The following ZNF385B variants were observed in gnomAD, a reference collection of about 807,000 sequenced individuals.
ZNF385B encodes zinc finger protein 385B.
ZNF385B carries 23 observed loss-of-function variants against 39.2 expected under a neutral mutation model. The ratio of observed to expected loss-of-function variants is 0.59; its 90% CI spans 0.42 to 0.83. ZNF385B has a LOEUF of 0.83. Among genes scored for constraint, ZNF385B ranks in the 40% least tolerant of loss-of-function variants. The pLI is 0.00. For missense variants in ZNF385B, 552 were observed against 598.9 expected (o/e 0.92, Z 0.82); for synonymous variants, 205 against 222.6 (o/e 0.92, Z 0.70).
At chr2:179,652,302 C>G (rs1256074898) in intron 3 of ZNF385B, among the ~76,000 whole-genome samples, 1 of 152,088 alleles carries the variant, frequency 6.6e-6, no homozygotes, top group African/African-American at 2.4e-5. Flanking sequence ...CCAATGATGT[C>G]TAAAAACATA....
At chr2:179,706,121 C>G (rs1699576409) in intron 3 of ZNF385B, among the ~76,000 whole-genome samples, 1 of 152,252 alleles carries the variant, frequency 6.6e-6, no homozygotes, top group Non-Finnish European at 1.5e-5. Context: ...AACCCAGAGA[C>G]TCATTTCTTA....
rs545420702 is a variant in ZNF385B, at chr2:179,577,921, T to G, written c.299-32952A>C. On this transcript the variant is annotated intron_variant, in intron 3 of 9. Transcript: ENST00000410066. Reference sequence around the variant, plus strand: ...TAAGCTAACATATATCCATTTTTTATATTAAGCAATCAGTAAGTATCTAAA... The same window carrying G: ...TAAGCTAACATATATCCATTTTTTAGATTAAGCAATCAGTAAGTATCTAAA... Among the ~76,000 whole-genome samples the G allele has an allele frequency of 2.0e-5, 3 of 152,258 alleles. No homozygotes were observed. In the South Asian group the frequency reaches 6.2e-4, roughly 32 times the overall value.
chr2:179,552,110 T>C (rs1399660224), intron 3 of ZNF385B, among the ~76,000 whole-genome samples: 2 of 149,484 alleles, frequency 1.3e-5, no homozygotes, highest in Non-Finnish European at 3.0e-5. Context: ...TACCTTATTA[T>C]GTTAATGGAT....
intron 3 of ZNF385B, among the ~76,000 whole-genome samples, chr2:179,579,768 C>T (rs1686268612): frequency 6.6e-6 from 1 of 152,020 alleles, no homozygotes; most frequent in South Asian, 2.1e-4. Context: ...TAATAACCAA[C>T]AATTTTGAAC....
chr2:179,575,622 T>C (rs1412387878), intron 3 of ZNF385B, among the ~76,000 whole-genome samples: 1 of 152,088 alleles, frequency 6.6e-6, no homozygotes, highest in East Asian at 1.9e-4. Flanking sequence ...ATGTGGTAGC[T>C]GATTCTACCT....
At chr2:179,670,824 C>T (rs960882642) in intron 3 of ZNF385B, among the ~76,000 whole-genome samples, 18 of 152,190 alleles carry the variant, frequency 1.2e-4, no homozygotes, top group Non-Finnish European at 2.9e-5. Flanking sequence ...TTGATTAAAT[C>T]CTCCAGAGCA....
chr2:179,856,158 T>C (rs775603687), intron 1 of ZNF385B, among the ~76,000 whole-genome samples: 1 of 152,186 alleles, frequency 6.6e-6, no homozygotes, highest in Non-Finnish European at 1.5e-5. Context: ...TGAGAACAAC[T>C]GGATTAGAGG....
intron 6 of ZNF385B, among the ~76,000 whole-genome samples, chr2:179,471,359 A>C (rs1379659398): frequency 6.6e-6 from 1 of 152,224 alleles, no homozygotes; most frequent in African/African-American, 2.4e-5. Context: ...TAATCTTGTC[A>C]CACTAAACAG....
In ZNF385B at chr2:179,444,810, C is replaced by T. The variant is rs1027607851; in HGVS notation, c.1242+66G>A. On this transcript the variant is annotated intron_variant, in intron 9 of 9. Transcript: ENST00000410066. ...ACATTAGACTCTATGCCCTCCTTGC[C>T]CACAATGGCTGCCCAACCCAGCAAG... is the stretch of plus-strand genomic sequence containing the variant. 6.4e-5 allele frequency: 87 copies of T among 1,368,014 alleles called. No individual in the cohort carries two copies. In the Admixed American group the frequency reaches 6.4e-4, roughly 10 times the overall value. 84.7% of individuals were successfully genotyped at this position (1,368,014 alleles called of 1,614,324 possible). A position where few individuals can be genotyped will look rare whatever the true frequency, so the allele number is the denominator to read the frequency against.
chr2:179,705,944 T>C (rs1369802613), intron 3 of ZNF385B, among the ~76,000 whole-genome samples: 1 of 152,232 alleles, frequency 6.6e-6, no homozygotes, highest in African/African-American at 2.4e-5. Flanking sequence ...CTCTGTCCCC[T>C]TTCTCCTTAT....
intron 5 of ZNF385B, among the ~76,000 whole-genome samples, chr2:179,513,548 T>C (rs1044333689): frequency 2.0e-5 from 3 of 152,186 alleles, no homozygotes; most frequent in Admixed American, 2.0e-4. Flanking sequence ...CCTGGAGTAA[T>C]TGTGGGGCTC....
intron 1 of ZNF385B, among the ~76,000 whole-genome samples, chr2:179,809,880 C>G (rs1706628864): frequency 6.6e-6 from 1 of 151,790 alleles, no homozygotes; most frequent in Non-Finnish European, 1.5e-5. Flanking sequence ...TCCAGAAAAA[C>G]AAATATGTAA....
chr2:179,860,898 G>A (rs1361733290), intron 1 of ZNF385B: 2 of 182,516 alleles, frequency 1.1e-5, no homozygotes, highest in Non-Finnish European at 2.5e-5. Flanking sequence ...ATTAGGTCGT[G>A]GAAGCCACAG....
intron 1 of ZNF385B, among the ~76,000 whole-genome samples, chr2:179,774,741 C>T (rs541342653): frequency 2.0e-5 from 3 of 152,324 alleles, no homozygotes; most frequent in East Asian, 1.9e-4. Context: ...ATGGTAATAA[C>T]GGTGTGCTCC....
At chr2:179,817,084 C>T (rs565871241) in intron 1 of ZNF385B, among the ~76,000 whole-genome samples, 2 of 152,050 alleles carry the variant, frequency 1.3e-5, no homozygotes, top group Non-Finnish European at 2.9e-5. Flanking sequence ...AATATCTGTC[C>T]TTATATATTC....
chr2:179,597,799 A>G (rs951115599), intron 3 of ZNF385B, among the ~76,000 whole-genome samples: 8 of 152,326 alleles, frequency 5.3e-5, no homozygotes, highest in South Asian at 4.1e-4. Context: ...TTATTGCCCC[A>G]TAAGTCTTTT....
At chr2:179,527,087 T>C (rs1298354122) in intron 4 of ZNF385B, among the ~76,000 whole-genome samples, 1 of 152,240 alleles carries the variant, frequency 6.6e-6, no homozygotes, top group Admixed American at 6.5e-5. Context: ...TTGCTACTAC[T>C]ACTATTTTAT....
chr2:179,723,974 A>G (rs1485177964), intron 3 of ZNF385B, among the ~76,000 whole-genome samples: 3 of 152,132 alleles, frequency 2.0e-5, no homozygotes, highest in African/African-American at 7.2e-5. Flanking sequence ...AGTATTACCA[A>G]TTAGTACAAT....
intron 1 of ZNF385B, among the ~76,000 whole-genome samples, chr2:179,778,022 C>T (rs1450256317): frequency 6.6e-6 from 1 of 152,094 alleles, no homozygotes; most frequent in African/African-American, 2.4e-5. Flanking sequence ...CTGCCCACCT[C>T]AGCCTCCCTG....
Sources: gnomAD v4.1 joint callset for allele counts (sites outside exome capture counted in the v4.1 genomes callset) on GRCh38, gnomAD v4.1.1 for gene constraint, MANE v1.5 for transcripts, NCBI Gene and HGNC (gene_info 2026-07-23, HGNC 2026-07-21) for gene names.